The following EFHD1 variants were observed in gnomAD, a reference collection of about 807,000 sequenced individuals.
The protein encoded by EFHD1 is EF-hand domain-containing protein D1.
EFHD1 carries 10 observed loss-of-function variants against 17.2 expected under a neutral mutation model. The ratio of observed to expected loss-of-function variants is 0.58; its 90% CI spans 0.36 to 0.99. The LOEUF (loss-of-function observed/expected upper bound fraction) is 0.99, where lower values mean the gene tolerates loss of function less well. EFHD1 is among the 50% of genes least tolerant of loss of function. The pLI is 0.01. For missense variants in EFHD1, 310 were observed against 327.5 expected, an observed-to-expected ratio of 0.95 and a Z score of 0.41; for synonymous variants, 153 against 142.0, an observed-to-expected ratio of 1.08 and a Z score of -0.55.
intron 2 of EFHD1, among the ~76,000 whole-genome samples, chr2:232,664,001 C>T (rs1285624178): frequency 6.6e-6 from 1 of 152,108 alleles, no homozygotes. Context: ...ACTGTGTTGT[C>T]CAGGCTGGTC....
At chr2:232,662,771 A>T (rs759355138) in intron 1 of EFHD1, 31 bp from the exon 2 acceptor site, 2 of 1,552,582 alleles carry the variant, frequency 1.3e-6, no homozygotes, top group South Asian at 2.5e-5. Context: ...GTGTCCTTTC[A>T]TCCCGGTCAT....
chr2:232,612,980 G>A (rs187824127), intron 1 of EFHD1, among the ~76,000 whole-genome samples: 57 of 151,962 alleles, frequency 3.8e-4, no homozygotes, highest in South Asian at 8.3e-4. Flanking sequence ...TGATCCACCC[G>A]CTTTAGCCTC....
intron 2 of EFHD1, among the ~76,000 whole-genome samples, chr2:232,664,170 G>A (rs2106212199): frequency 6.6e-6 from 1 of 151,802 alleles, no homozygotes; most frequent in South Asian, 2.1e-4. Flanking sequence ...AAACAGGGTT[G>A]CTCTGTTGCC....
At chr2:232,668,391 A>G (rs895266963) in intron 2 of EFHD1, among the ~76,000 whole-genome samples, 1 of 152,076 alleles carries the variant, frequency 6.6e-6, no homozygotes, top group African/African-American at 2.4e-5. Context: ...CAGTGAGTGG[A>G]TACGTCTGGA....
Position 232,633,819 on chromosome 2 carries a change from G to A in EFHD1, c.115G>A (p.Glu39Lys). The A allele has an allele frequency of 2.0e-6, 3 of 1,473,484 alleles. No individual in the cohort carries two copies. The highest frequency in any genetic ancestry group is 1.3e-5 in the South Asian group (1 of 76,632). The allele number at this position is 1,473,484 out of a possible 1,614,324, so 91.3% of individuals were successfully genotyped here. ...CGCCCCAGCCCCGGAGCCCAAGCCCGAGCCCGAGCCTCCCGCCCGTGCGCC... is the reference window on the plus strand; with the variant it reads ...CGCCCCAGCCCCGGAGCCCAAGCCCAAGCCCGAGCCTCCCGCCCGTGCGCC... Reference protein sequence around the residue: ...LGAPAPEPKPEPEPPARAPTA... With the variant: ...LGAPAPEPKPKPEPPARAPTA... Residue 39 changes from glutamate to lysine, a missense_variant, in exon 1 of 4, where the codon GAG (glutamate) becomes AAG (lysine). Glu to Lys is a moderately conservative substitution (Grantham distance 56, BLOSUM62 1). Coordinates refer to ENST00000264059, the MANE Select transcript of EFHD1 (RefSeq NM_025202.4).
intron 1 of EFHD1, among the ~76,000 whole-genome samples, chr2:232,609,078 T>TG (rs1693768481): frequency 1.6e-5 from 2 of 121,712 alleles, no homozygotes; most frequent in African/African-American, 3.5e-5. Flanking sequence ...TTTTTTTTTT[T>TG]AGATGGAGTC....
intron 1 of EFHD1, among the ~76,000 whole-genome samples, chr2:232,640,716 T>C (rs757697524): frequency 6.6e-6 from 1 of 151,720 alleles, no homozygotes; most frequent in African/African-American, 2.4e-5. Context: ...AGGAGGACAC[T>C]CCAGTAGCTG....
intron 1 of EFHD1, among the ~76,000 whole-genome samples, chr2:232,659,082 C>A (rs1013485185): frequency 3.3e-5 from 5 of 152,014 alleles, no homozygotes; most frequent in African/African-American, 1.2e-4. Context: ...CTGCCCACTT[C>A]TGGGAAACCC....
intron 1 of EFHD1, among the ~76,000 whole-genome samples, chr2:232,627,004 G>A (rs1055834658): frequency 4.9e-5 from 7 of 142,956 alleles, no homozygotes; most frequent in Non-Finnish European, 1.1e-4. Context: ...GGGCAACATA[G>A]TGAGATCCTG....
chr2:232,655,784 C>G (rs1010370284), intron 1 of EFHD1, among the ~76,000 whole-genome samples: 4 of 151,754 alleles, frequency 2.6e-5, no homozygotes, highest in African/African-American at 9.7e-5. Flanking sequence ...CCACCCCTGT[C>G]CTGTCCTTGT....
chr2:232,618,548 C>T (rs1167838599), intron 1 of EFHD1, among the ~76,000 whole-genome samples: 1 of 150,472 alleles, frequency 6.6e-6, no homozygotes, highest in Non-Finnish European at 1.5e-5. Flanking sequence ...ATGTTGAGAC[C>T]CTGTCTCTAC....
intron 1 of EFHD1, among the ~76,000 whole-genome samples, chr2:232,609,041 A>C (rs1693766744): frequency 6.7e-6 from 1 of 149,284 alleles, no homozygotes; most frequent in African/African-American, 2.5e-5. Flanking sequence ...TTAAAACATG[A>C]GATGCATAAG....
chr2:232,659,965 A>G (rs1183315874), intron 1 of EFHD1, among the ~76,000 whole-genome samples: 2 of 151,896 alleles, frequency 1.3e-5, no homozygotes, highest in African/African-American at 4.8e-5. Context: ...GCAAGAACTC[A>G]CTCACTATCA....
chr2:232,665,125 G>A (rs1000977238), intron 2 of EFHD1, among the ~76,000 whole-genome samples: 1 of 152,044 alleles, frequency 6.6e-6, no homozygotes, highest in Non-Finnish European at 1.5e-5. Flanking sequence ...TGCCTGTGGA[G>A]CCCCCTCACC....
At chr2:232,619,050 G>A (rs1332299627) in intron 1 of EFHD1, among the ~76,000 whole-genome samples, 1 of 151,924 alleles carries the variant, frequency 6.6e-6, no homozygotes, top group African/African-American at 2.4e-5. Flanking sequence ...TCCGGAGGCC[G>A]AGGCAGGAGA....
chr2:232,673,907 C>CTTTTTTT (rs11409819), intron 3 of EFHD1, among the ~76,000 whole-genome samples: 13 of 119,970 alleles, frequency 1.1e-4, no homozygotes, highest in East Asian at 5.0e-4. Context: ...AAGACTTCTT[C>CTTTTTTT]TTTTTTTTTT....
In EFHD1 at chr2:232,662,803, T is replaced by C. The variant is rs774465020; in HGVS notation, c.304T>C (p.Tyr102His). The C allele has an allele frequency of 1.9e-6, 3 of 1,571,702 alleles. No homozygotes were observed. Among genetic ancestry groups the C allele is most frequent in the African/African-American group, 1.4e-5 (1 of 71,990 alleles). ...TCATGCATTCCTTTGACCCTGCAGG[T>C]ATGACGCTGGGCGGGATGGCTTCAT... is the stretch of plus-strand genomic sequence containing the variant. ...IKDLESMFKL[Y>H]DAGRDGFIDL... The change falls in exon 2 of 4, where the codon TAT becomes CAT. Residue 102 changes from tyrosine to histidine, a missense_variant and splice_region_variant. Tyr to His is a moderately conservative substitution (Grantham distance 83, BLOSUM62 2). Coordinates refer to ENST00000264059, the MANE Select transcript of EFHD1 (RefSeq NM_025202.4).
chr2:232,612,966 C>T (rs1693836188), intron 1 of EFHD1, among the ~76,000 whole-genome samples: 1 of 151,942 alleles, frequency 6.6e-6, no homozygotes, highest in African/African-American at 2.4e-5. Context: ...CTCGTGACCT[C>T]AGGTGATCCA....
At position 232,622,469 on chromosome 2, in the gene EFHD1, C is replaced by T. The variant is rs528984584; in HGVS notation, c.14+16296C>T. Among the ~76,000 whole-genome samples, 7 of 102,968 alleles carry T rather than the reference C, an allele frequency of 6.8e-5. No individual in the cohort carries two copies. In the South Asian group the frequency reaches 2.9e-3, roughly 43 times the overall value. 67.6% of individuals were successfully genotyped at this position (102,968 alleles called of 152,430 possible). ...GGGCAATGAGAGCAAAGCTCCGTTT[C>T]GCTGGGGGCGGGGGTGGGGGGGAAG... On this transcript the variant is annotated intron_variant, in intron 1 of 3. Transcript: ENST00000409613.
Sources: gnomAD v4.1 joint callset for allele counts (sites outside exome capture counted in the v4.1 genomes callset) on GRCh38, gnomAD v4.1.1 for gene constraint, MANE v1.5 for transcripts, NCBI Gene and HGNC (gene_info 2026-07-23, HGNC 2026-07-21) for gene names.